VANGL1: variants seen among roughly 807,000 people sequenced by gnomAD.
The protein encoded by VANGL1 is vang-like protein 1.
A neutral mutation model predicts 48.4 loss-of-function variants in VANGL1; 18 were observed. The observed-to-expected ratio is 0.37, with a 90% CI of 0.26 to 0.55. The LOEUF is 0.55. VANGL1 is among the 20% of genes least tolerant of loss of function. The pLI, the probability that VANGL1 is intolerant of heterozygous loss-of-function variation, is 0.81. For missense variants in VANGL1, 667 were observed against 675.8 expected, an observed-to-expected ratio of 0.99 and a Z score of 0.14; for synonymous variants, 257 against 261.8, an observed-to-expected ratio of 0.98 and a Z score of 0.18.
intron 3 of VANGL1, among the ~76,000 whole-genome samples, chr1:115,661,449 C>T (rs561166964): frequency 1.3e-5 from 2 of 148,834 alleles, no homozygotes; most frequent in African/African-American, 5.0e-5. Context: ...CCATCTCCTG[C>T]CCCCACCCAC....
At position 115,642,063 on chromosome 1, in the gene VANGL1, G is replaced by A. The variant is rs1395056099; in HGVS notation, c.-161G>A. The A allele has an allele frequency of 1.3e-5, 2 of 151,550 alleles. No homozygotes were observed. The highest frequency in any genetic ancestry group is 2.0e-4 in the South Asian group (1 of 5,006). 9.4% of individuals were successfully genotyped at this position (151,550 alleles called of 1,614,324 possible). On this transcript the variant is annotated 5_prime_UTR_variant, in exon 1 of 8. Transcript: ENST00000355485. ...GCTGTGAGCCGAGACCGCGGGCCGC[G>A]GAGCTCGGGCGGCCGGCGCGGAGGT...
chr1:115,689,163 AATT>A (rs1283900577), intron 7 of VANGL1, among the ~76,000 whole-genome samples: 1 of 137,760 alleles, frequency 7.3e-6, no homozygotes, highest in African/African-American at 2.7e-5. Context: ...TATTCTATAA[AATT>A]ATTGTTTTAG....
At chr1:115,677,771 C>A (rs1653222007) in intron 4 of VANGL1, among the ~76,000 whole-genome samples, 1 of 152,156 alleles carries the variant, frequency 6.6e-6, no homozygotes, top group South Asian at 2.1e-4. Flanking sequence ...ACTTCAGGCT[C>A]CCCCTGATGG....
intron 4 of VANGL1, among the ~76,000 whole-genome samples, chr1:115,677,886 C>T (rs1570764569): frequency 6.6e-6 from 1 of 152,148 alleles, no homozygotes; most frequent in East Asian, 1.9e-4. Flanking sequence ...TCTTGCCTCC[C>T]ACATTTCCCC....
rs566743294 is a variant in VANGL1 at position 115,694,647 on chromosome 1, C to T, written c.*3268C>T. On this transcript the variant is annotated 3_prime_UTR_variant, in exon 8 of 8. Transcript: ENST00000355485. ...CAACCTACGTACTGAGTGAGTGCTCCAGCCACTCAGTGAAACCAACAAAAG... is the reference window on the plus strand; with the variant it reads ...CAACCTACGTACTGAGTGAGTGCTCTAGCCACTCAGTGAAACCAACAAAAG... 1 of 152,276 alleles carries T rather than the reference C, an allele frequency of 6.6e-6. No individual in the cohort carries two copies. The highest frequency in any genetic ancestry group is 2.1e-4 in the South Asian group (1 of 4,816). 9.4% of individuals were successfully genotyped at this position (152,276 alleles called of 1,614,324 possible).
intron 4 of VANGL1, among the ~76,000 whole-genome samples, chr1:115,679,868 G>A (rs1653311031): frequency 6.6e-6 from 1 of 152,072 alleles, no homozygotes; most frequent in Non-Finnish European, 1.5e-5. Context: ...TTGAACCCCA[G>A]TGGGTCTGTG....
chr1:115,657,328 C>T (rs1261909281), intron 2 of VANGL1, among the ~76,000 whole-genome samples: 2 of 152,224 alleles, frequency 1.3e-5, no homozygotes, highest in African/African-American at 4.8e-5. Context: ...CTCTTCAACA[C>T]GGTGCACCAT....
chr1:115,652,568 A>G (rs1402987046), intron 2 of VANGL1, among the ~76,000 whole-genome samples: 3 of 152,224 alleles, frequency 2.0e-5, no homozygotes, highest in South Asian at 4.1e-4. Context: ...GGCTAAAGTA[A>G]TGCTGTAATG....
intron 4 of VANGL1, among the ~76,000 whole-genome samples, chr1:115,664,709 CTGGTT>C (rs1198140430): frequency 2.0e-5 from 3 of 152,088 alleles, no homozygotes; most frequent in African/African-American, 7.2e-5. Flanking sequence ...TCTCAGAGGC[CTGGTT>C]TGGGCAGTAA....
chr1:115,686,714 CTG>C (rs1439020818), intron 7 of VANGL1, among the ~76,000 whole-genome samples: 3 of 152,064 alleles, frequency 2.0e-5, no homozygotes, highest in Non-Finnish European at 4.4e-5. Context: ...AAAACTGACT[CTG>C]TAACACCCAA....
chr1:115,642,772 G>GT (rs1048778656), intron 1 of VANGL1: 1 of 152,214 alleles, frequency 6.6e-6, no homozygotes, highest in African/African-American at 2.4e-5. Context: ...TGCCCAAGGT[G>GT]TCCCTGCTGG....
At chr1:115,686,589 A>T (rs1411214632) in intron 7 of VANGL1, among the ~76,000 whole-genome samples, 7 of 152,122 alleles carry the variant, frequency 4.6e-5, no homozygotes, top group Non-Finnish European at 8.8e-5. Flanking sequence ...TGGCTCCACC[A>T]CTTAATTGTT....
At chr1:115,665,291 C>T (rs1416297604) in intron 4 of VANGL1, among the ~76,000 whole-genome samples, 1 of 152,246 alleles carries the variant, frequency 6.6e-6, no homozygotes. Flanking sequence ...GAGCCTGGGA[C>T]ATTTGACTTC....
intron 4 of VANGL1, among the ~76,000 whole-genome samples, chr1:115,680,139 C>T (rs148979559): frequency 1.1e-3 from 166 of 152,170 alleles, no homozygotes; most frequent in South Asian, 3.7e-3. Context: ...GGGGCAAGGA[C>T]GGAGTTGGAG....
chr1:115,655,544 C>G lies in VANGL1; in HGVS notation c.71+4060C>G, dbSNP rs367960958. 5.9e-5 allele frequency among the ~76,000 whole-genome samples: 9 copies of G among 152,256 alleles called. 1 individual carries two copies. The highest frequency in any genetic ancestry group is 1.3e-4 in the Admixed American group (2 of 15,298). On this transcript the variant is annotated intron_variant, in intron 2 of 7. Transcript: ENST00000355485. ...GGCAGATGTTGCGTGGAGACAAATTCAGAGATAAAGATACGAAGAAAAACT... is the reference window on the plus strand; with the variant it reads ...GGCAGATGTTGCGTGGAGACAAATTGAGAGATAAAGATACGAAGAAAAACT...
At chr1:115,656,478 A>G (rs1652359056) in intron 2 of VANGL1, among the ~76,000 whole-genome samples, 3 of 152,140 alleles carry the variant, frequency 2.0e-5, no homozygotes. Flanking sequence ...ATTATTTGAG[A>G]GTGGGGCCAA....
chr1:115,654,700 T>C (rs1652280635), intron 2 of VANGL1, among the ~76,000 whole-genome samples: 1 of 152,054 alleles, frequency 6.6e-6, no homozygotes, highest in Admixed American at 6.6e-5. Flanking sequence ...GCTCCTTCTG[T>C]TTCTCATCCT....
In VANGL1 at chr1:115,691,473, C is replaced by T. The variant is rs576046495; in HGVS notation, c.*94C>T. The T allele has an allele frequency of 9.5e-5, 129 of 1,361,404 alleles. No homozygotes were observed. The Middle Eastern group carries it at 1.0e-3, about 11-fold the overall frequency. The allele number at this position is 1,361,404 out of a possible 1,614,324, so 84.3% of individuals were successfully genotyped here. ...AGGGGTGTCTTTTTTAAAAATTCTT[C>T]TTCATTGCTGACTGAAACTGGCAGA... On this transcript the variant is annotated 3_prime_UTR_variant, in exon 8 of 8. Transcript: ENST00000355485.
intron 3 of VANGL1, among the ~76,000 whole-genome samples, chr1:115,662,185 C>T (rs943126281): frequency 6.6e-5 from 10 of 151,532 alleles, no homozygotes; most frequent in African/African-American, 2.4e-4. Context: ...TCACCACCAC[C>T]GCTTCTTACC....
Sources: allele counts gnomAD v4.1 joint callset (sites outside exome capture counted in the v4.1 genomes callset), GRCh38; gene constraint gnomAD v4.1.1; transcripts MANE v1.5; gene names NCBI Gene and HGNC (gene_info 2026-07-23, HGNC 2026-07-21).